The following CCDC171 variants were observed in gnomAD, a reference collection of about 807,000 sequenced individuals.
CCDC171 encodes the protein coiled-coil domain containing 171, also known as coiled-coil domain-containing protein 171.
Under a neutral mutation model 168.2 loss-of-function variants are expected in CCDC171, and 177 were observed. The ratio of observed to expected loss-of-function variants is 1.05; its 90% confidence interval spans 0.93 to 1.19. CCDC171 has a LOEUF of 1.19. Ranked by LOEUF, CCDC171 falls within the 50% of genes most tolerant of loss-of-function variation. CCDC171 has a pLI of 0.00. For missense variants in CCDC171, 1,991 were observed against 1,539.0 expected (o/e 1.29, Z -4.91); for synonymous variants, 687 against 540.8 (o/e 1.27, Z -3.75).
At chr9:15,702,196 T>G (rs557879351) in intron 11 of CCDC171, among the ~76,000 whole-genome samples, 1 of 152,258 alleles carries the variant, frequency 6.6e-6, no homozygotes, top group Admixed American at 6.5e-5. Flanking sequence ...AGTTAAACAT[T>G]CTGTAAAGAG....
At position 15,898,387 on chromosome 9, in the gene CCDC171, G is replaced by C. The variant is rs559545602; in HGVS notation, c.3601-21883G>C. On this transcript the variant is annotated intron_variant, in intron 24 of 25. Transcript: ENST00000380701. ...TCTTTTGAGGCAACAGGCTGCAGAG[G>C]GTCTCAGAATAGCTGGTGTTGCTAT... is the stretch of plus-strand genomic sequence containing the variant. 5.3e-5 allele frequency among the ~76,000 whole-genome samples: 8 copies of C among 152,140 alleles called. No homozygotes were observed. The South Asian group carries it at 1.7e-3, about 32-fold the overall frequency.
chr9:15,661,847 T>A (rs1454233266), intron 8 of CCDC171, among the ~76,000 whole-genome samples: 1 of 152,206 alleles, frequency 6.6e-6, no homozygotes, highest in Non-Finnish European at 1.5e-5. Flanking sequence ...AAGAAAATAT[T>A]CCCCAGATTT....
At position 15,578,857 on chromosome 9, in the gene CCDC171, C is replaced by G. The variant is rs942445309; in HGVS notation, c.186C>G (p.Ser62Arg). Residue 62 changes from serine to arginine, a missense_variant, in exon 4 of 26, where the codon AGC (serine) becomes AGG (arginine). Transcript: ENST00000380701. ...CAGGAATCTGTTTTTAGCTGGCAAG[C>G]TATGAGAGCCAGATTGCCAAGCTAC... ...ITTKHNAELASYESQIAKLRS... is the reference protein window; with the variant it reads ...ITTKHNAELARYESQIAKLRS... 6.2e-7 allele frequency: 1 copy of G among 1,612,076 alleles called. No individual in the cohort carries two copies. The highest frequency in any genetic ancestry group is 1.3e-5 in the African/African-American group (1 of 74,772).
chr9:15,914,314 G>T (rs567794291), intron 24 of CCDC171, among the ~76,000 whole-genome samples: 28 of 152,276 alleles, frequency 1.8e-4, no homozygotes, highest in African/African-American at 5.8e-4. Context: ...CCTCACTGGG[G>T]CTGCTGCCTT....
intron 1 of CCDC171, among the ~76,000 whole-genome samples, chr9:16,044,332 C>T (rs1014221736): frequency 6.6e-5 from 10 of 152,164 alleles, no homozygotes; most frequent in African/African-American, 1.9e-4. Flanking sequence ...TACAGCCTGT[C>T]AGAGGAGAGG....
rs187328399 is a variant in CCDC171 at position 15,586,616 on chromosome 9, G to A, written c.353-4750G>A. ...GGGTTAGATGAAAGCTGTTTGAGAG[G>A]CAGATAGGTCCTTAGATTTCCTTCC... On this transcript the variant is annotated intron_variant, in intron 4 of 25. Coordinates refer to ENST00000380701, the MANE Select transcript of CCDC171 (RefSeq NM_173550.4). Among the ~76,000 whole-genome samples, 5 of 152,248 alleles carry A rather than the reference G, an allele frequency of 3.3e-5. No homozygotes were observed. The East Asian group carries it at 9.7e-4, about 29-fold the overall frequency.
At chr9:15,930,294 A>T (rs1826357099) in intron 25 of CCDC171, among the ~76,000 whole-genome samples, 1 of 151,650 alleles carries the variant, frequency 6.6e-6, no homozygotes. Flanking sequence ...ATTCTGTATT[A>T]GCACTTAATG....
At chr9:15,584,917 A>C (rs2041434340) in intron 4 of CCDC171, among the ~76,000 whole-genome samples, 1 of 152,218 alleles carries the variant, frequency 6.6e-6, no homozygotes, top group Non-Finnish European at 1.5e-5. Context: ...ATGGGAAGTT[A>C]CTTGCTCAGA....
chr9:15,785,558 C>T (rs575300611), intron 21 of CCDC171, among the ~76,000 whole-genome samples: 22 of 152,166 alleles, frequency 1.4e-4, no homozygotes, highest in African/African-American at 5.3e-4. Flanking sequence ...ATGTACTCCT[C>T]ACACAAACTG....
chr9:15,863,411 C>T (rs927649238), intron 23 of CCDC171, among the ~76,000 whole-genome samples: 1 of 151,932 alleles, frequency 6.6e-6, no homozygotes, highest in African/African-American at 2.4e-5. Flanking sequence ...GAAGGAGAGT[C>T]CAGGGTTTCC....
chr9:16,073,261 G>A, the CCDC171 span, among the ~76,000 whole-genome samples: 3 of 152,292 alleles, frequency 2.0e-5, no homozygotes, highest in Admixed American at 6.5e-5. Flanking sequence ...ATATACTCGG[G>A]TTTGGTGTAG....
intron 18 of CCDC171, among the ~76,000 whole-genome samples, chr9:15,747,646 C>A (rs1004443082): frequency 3.3e-5 from 5 of 152,192 alleles, no homozygotes; most frequent in Non-Finnish European, 7.3e-5. Context: ...TCCAACAGAT[C>A]TGCAGCTGAG....
intron 21 of CCDC171, among the ~76,000 whole-genome samples, chr9:15,843,864 G>T (rs113943712): frequency 0.013 from 1,980 of 152,190 alleles, 48 homozygotes; most frequent in African/African-American, 0.045. Flanking sequence ...GGTGCTGCAG[G>T]TTCCCACTGC....
At position 15,905,132 on chromosome 9, in the gene CCDC171, A is replaced by G. The variant is rs1490871509; in HGVS notation, c.3601-15138A>G. Reference sequence around the variant, plus strand: ...GATCAACGAGACAGAAAGTTAACAAAGATATCCAGGAATTGAACTCAGCTC... The same window carrying G: ...GATCAACGAGACAGAAAGTTAACAAGGATATCCAGGAATTGAACTCAGCTC... On this transcript the variant is annotated intron_variant, in intron 24 of 25. Transcript: ENST00000380701. Among the ~76,000 whole-genome samples, 13 of 152,274 alleles carry G rather than the reference A, an allele frequency of 8.5e-5. 1 individual carries two copies. The highest frequency in any genetic ancestry group is 5.8e-4 in the East Asian group (3 of 5,176).
chr9:15,944,209 G>A (rs560080820), intron 25 of CCDC171, among the ~76,000 whole-genome samples: 7 of 152,094 alleles, frequency 4.6e-5, no homozygotes, highest in African/African-American at 1.7e-4. Flanking sequence ...TTAAACCAAA[G>A]AGCTGAGAGT....
intron 6 of CCDC171, among the ~76,000 whole-genome samples, chr9:15,622,444 T>C (rs1262737851): frequency 1.3e-5 from 2 of 152,242 alleles, no homozygotes; most frequent in Non-Finnish European, 2.9e-5. Context: ...CAGATTCTAA[T>C]GGTATCTTTT....
chr9:16,089,834 A>G, the CCDC171 span, among the ~76,000 whole-genome samples: 1 of 152,182 alleles, frequency 6.6e-6, no homozygotes, highest in African/African-American at 2.4e-5. Flanking sequence ...GCTTAACACC[A>G]CTGGTCACTA....
chr9:16,002,837 T>A (rs1030065963), intron 3 of CCDC171, among the ~76,000 whole-genome samples: 1 of 152,196 alleles, frequency 6.6e-6, no homozygotes, highest in Non-Finnish European at 1.5e-5. Context: ...TATGTTGAGA[T>A]ACAGAAATAC....
chr9:15,697,214 T>C (rs2051283285), intron 11 of CCDC171, among the ~76,000 whole-genome samples: 1 of 152,228 alleles, frequency 6.6e-6, no homozygotes, highest in East Asian at 1.9e-4. Context: ...GGCTTCATTT[T>C]TCAGCAGCCA....
Sources: gnomAD v4.1 joint callset for allele counts (sites outside exome capture counted in the v4.1 genomes callset) on GRCh38, gnomAD v4.1.1 for gene constraint, MANE v1.5 for transcripts, NCBI Gene and HGNC (gene_info 2026-07-23, HGNC 2026-07-21) for gene names.